The following FAT4 variants were observed in gnomAD, a reference collection of about 807,000 sequenced individuals.
FAT4 encodes the protein protocadherin Fat 4.
FAT4 carries 84 observed loss-of-function variants against 303.9 expected under a neutral mutation model. The observed-to-expected ratio is 0.28, with a 90% CI of 0.23 to 0.33. The LOEUF is 0.33. Among genes scored for constraint, FAT4 ranks in the 10% least tolerant of loss-of-function variants. The probability of loss-of-function intolerance (pLI) is 1.00; values close to 1 mark genes in which losing one functional copy is unlikely to be tolerated. For missense variants in FAT4, 6,005 were observed against 6,146.8 expected (o/e 0.98, Z 0.77); for synonymous variants, 2,307 against 2,298.8 (o/e 1.00, Z -0.10).
intron 2 of FAT4, among the ~76,000 whole-genome samples, chr4:125,330,584 A>G (rs889367836): frequency 2.0e-5 from 3 of 152,242 alleles, no homozygotes; most frequent in African/African-American, 7.2e-5. Context: ...TCCCACTGGA[A>G]TTAATTTCTA....
At chr4:125,376,675 G>T (rs951427439) in intron 2 of FAT4, among the ~76,000 whole-genome samples, 1 of 152,074 alleles carries the variant, frequency 6.6e-6, no homozygotes, top group Non-Finnish European at 1.5e-5. Context: ...TGAGATAGGC[G>T]GATCACCTGA....
At position 125,448,617 on chromosome 4, in the gene FAT4, T is replaced by G. The variant is rs772282704; in HGVS notation, c.7607T>G (p.Val2536Gly). 1 of 1,613,790 alleles carries G rather than the reference T, an allele frequency of 6.2e-7. No individual in the cohort carries two copies. The highest frequency in any genetic ancestry group is 8.5e-7 in the Non-Finnish European group (1 of 1,179,902). Residue 2536 changes from valine to glycine, a missense_variant, in exon 10 of 18, where the codon GTG (valine) becomes GGG (glycine). Physicochemically the swap from Val to Gly is moderately radical, Grantham distance 109. Transcript: ENST00000394329. ...AAGPLNGASE[V>G]TFSVHVKDGG... is the part of the protein sequence containing the mutation. ...GGACCACTAAACGGAGCTTCAGAAG[T>G]GACATTTTCTGTGCATGTAAAAGAT...
At chr4:125,374,351 A>T (rs1733236160) in intron 2 of FAT4, among the ~76,000 whole-genome samples, 1 of 152,204 alleles carries the variant, frequency 6.6e-6, no homozygotes. Flanking sequence ...CCTATTTTTA[A>T]AATGATGAAG....
intron 7 of FAT4, among the ~76,000 whole-genome samples, chr4:125,417,717 G>A (rs948444273): frequency 6.6e-6 from 1 of 152,110 alleles, no homozygotes; most frequent in Non-Finnish European, 1.5e-5. Flanking sequence ...TGACATTAGT[G>A]TCCTAAGTCA....
intron 2 of FAT4, among the ~76,000 whole-genome samples, chr4:125,386,301 G>A (rs1389330197): frequency 3.3e-5 from 5 of 151,924 alleles, no homozygotes; most frequent in African/African-American, 9.7e-5. Context: ...TTTTTGAGGC[G>A]GATTCTCACT....
intron 8 of FAT4, among the ~76,000 whole-genome samples, chr4:125,445,756 A>C (rs1725803482): frequency 6.6e-6 from 1 of 152,166 alleles, no homozygotes; most frequent in Non-Finnish European, 1.5e-5. Flanking sequence ...TGACAAAGAC[A>C]GAATTAATCA....
intron 7 of FAT4, among the ~76,000 whole-genome samples, chr4:125,433,348 T>TA: frequency 6.6e-6 from 1 of 152,346 alleles, no homozygotes; most frequent in East Asian, 1.9e-4. Flanking sequence ...TCTGGGGTTT[T>TA]ATTTTATTTT....
Position 125,408,807 on chromosome 4 carries a change from T to C in FAT4, c.5920+13T>C. The stretch of plus-strand genomic sequence containing the variant: ...GATGCAGATGATGGTATGTATTTTA[T>C]TTAATATAATTTTTAAAACATCTAT... On this transcript the variant is annotated intron_variant, in intron 5 of 17. Coordinates refer to ENST00000394329, the MANE Select transcript of FAT4 (RefSeq NM_001291303.3). 1.6e-6 allele frequency: 2 copies of C among 1,276,916 alleles called. No individual in the cohort carries two copies. Among genetic ancestry groups the C allele is most frequent in the Non-Finnish European group, 2.1e-6 (2 of 944,042 alleles). 79.1% of individuals were successfully genotyped at this position (1,276,916 alleles called of 1,614,324 possible). A position where few individuals can be genotyped will look rare whatever the true frequency, so the allele number is the denominator to read the frequency against.
intron 16 of FAT4, among the ~76,000 whole-genome samples, chr4:125,484,035 TTC>T (rs141426835): frequency 4.0e-5 from 5 of 125,110 alleles, no homozygotes; most frequent in Admixed American, 9.0e-5. Flanking sequence ...CTATCATTCT[TTC>T]TCTCTCTCTC....
chr4:125,390,127 T>C (rs1022391442), intron 2 of FAT4, among the ~76,000 whole-genome samples: 4 of 152,152 alleles, frequency 2.6e-5, no homozygotes, highest in African/African-American at 9.7e-5. Context: ...CTCTTTATTG[T>C]TGTTAAGAAA....
chr4:125,426,318 T>C (rs1725084517), intron 7 of FAT4, among the ~76,000 whole-genome samples: 2 of 152,072 alleles, frequency 1.3e-5, no homozygotes, highest in African/African-American at 4.8e-5. Context: ...TTGAAAACTT[T>C]TAAGGCCCCA....
chr4:125,318,378 C>T lies in FAT4; in HGVS notation c.1967C>T (p.Ser656Phe). The T allele has an allele frequency of 1.9e-6, 3 of 1,614,160 alleles. No homozygotes were observed. The highest frequency in any genetic ancestry group is 2.2e-5 in the East Asian group (1 of 44,864). Residue 656 changes from serine (S) to phenylalanine (F), a missense_variant, in exon 2 of 18, where the codon TCC becomes TTC. Transcript: ENST00000394329. ...GACAGAGAAGAGCAAGCCTTCTACTCCCTGTTGGTTCTGGCCACAGATCTG... is the reference window on the plus strand; with the variant it reads ...GACAGAGAAGAGCAAGCCTTCTACTTCCTGTTGGTTCTGGCCACAGATCTG... The part of the protein sequence containing the change: ...SLDREEQAFY[S>F]LLVLATDLGS...
Position 125,316,643 on chromosome 4 carries a change from C to T in FAT4, c.232C>T (p.His78Tyr), listed in dbSNP as rs759980424. 6.2e-7 allele frequency: 1 copy of T among 1,613,852 alleles called. No individual in the cohort carries two copies. The highest frequency in any genetic ancestry group is 8.5e-7 in the Non-Finnish European group (1 of 1,180,032). ...CTTCACCTACAGGCTCAGCGAAAGCCACGCCCTGTTTGCCATAAACAGTAG... is the reference window on the plus strand; with the variant it reads ...CTTCACCTACAGGCTCAGCGAAAGCTACGCCCTGTTTGCCATAAACAGTAG... ...PGFTYRLSES[H>Y]ALFAINSSTG... is the part of the protein sequence containing the mutation. The change falls in exon 2 of 18, where the codon CAC (histidine) becomes TAC (tyrosine). Residue 78 changes from histidine (H) to tyrosine (Y), a missense_variant. Transcript: ENST00000394329. The surrounding 1 kb of genome is among the most constrained non-coding windows in gnomAD (Gnocchi z 5.7).
rs1338219874 is a variant in FAT4, at chr4:125,448,529, C to T, written c.7519C>T (p.Leu2507Phe). The T allele has an allele frequency of 1.2e-6, 2 of 1,613,754 alleles. No individual in the cohort carries two copies. The highest frequency in any genetic ancestry group is 2.7e-5 in the African/African-American group (2 of 74,904). ...IGPNSELHYS[L>F]SGRNSEKFHI... ...ACCAAATTCTGAACTGCATTATTCTCTTTCGGGTAGAAATTCTGAAAAATT... is the reference window on the plus strand; with the variant it reads ...ACCAAATTCTGAACTGCATTATTCTTTTTCGGGTAGAAATTCTGAAAAATT... The change falls in exon 10 of 18, where the codon CTT becomes TTT. Residue 2507 changes from leucine (L) to phenylalanine (F), a missense_variant. Transcript: ENST00000394329.
chr4:125,424,157 G>T (rs920612165), intron 7 of FAT4, among the ~76,000 whole-genome samples: 4 of 152,090 alleles, frequency 2.6e-5, no homozygotes, highest in Non-Finnish European at 5.9e-5. Flanking sequence ...TTTGAGAGGG[G>T]CCAGGGACAG....
chr4:125,420,684 G>A (rs1324586524), intron 7 of FAT4, among the ~76,000 whole-genome samples: 2 of 152,194 alleles, frequency 1.3e-5, no homozygotes, highest in African/African-American at 2.4e-5. Context: ...GCAGTCACAT[G>A]TAAGGACCCA....
intron 10 of FAT4, among the ~76,000 whole-genome samples, chr4:125,463,150 A>T (rs1054552489): frequency 2.0e-5 from 3 of 151,908 alleles, no homozygotes; most frequent in Non-Finnish European, 4.4e-5. Context: ...AAGATAAGTT[A>T]TTATCTTTGA....
At chr4:125,440,581 TTGTGTG>T (rs768799104) in intron 8 of FAT4, among the ~76,000 whole-genome samples, 4 of 117,646 alleles carry the variant, frequency 3.4e-5, no homozygotes, top group East Asian at 2.5e-4. Flanking sequence ...TTCTCAGTAC[TTGTGTG>T]TGTGTGTGTG....
chr4:125,373,533 T>C (rs1322653000), intron 2 of FAT4, among the ~76,000 whole-genome samples: 1 of 152,216 alleles, frequency 6.6e-6, no homozygotes, highest in African/African-American at 2.4e-5. Context: ...TGTGTGTTTA[T>C]TGAATATTTG....
Sources: gnomAD v4.1 joint callset for allele counts (sites outside exome capture counted in the v4.1 genomes callset) on GRCh38, gnomAD v4.1.1 for gene constraint, Gnocchi (gnomAD v3.1) non-coding constraint, MANE v1.5 for transcripts, NCBI Gene and HGNC (gene_info 2026-07-23, HGNC 2026-07-21) for gene names.